LINGO2: variants seen among roughly 807,000 people sequenced by gnomAD.
LINGO2 encodes the protein leucine-rich repeat and immunoglobulin-like domain-containing nogo receptor-interacting protein 2.
LINGO2 carries 14 observed loss-of-function variants against 30.6 expected under a neutral mutation model. The ratio of observed to expected loss-of-function variants is 0.46; its 90% CI spans 0.30 to 0.72. The LOEUF (loss-of-function observed/expected upper bound fraction) is 0.72. Ranked by LOEUF, LINGO2 falls within the 30% of genes least tolerant of loss-of-function variation. The probability of loss-of-function intolerance (pLI) is 0.07; values close to 1 mark genes in which losing one functional copy is unlikely to be tolerated. For synonymous variants in LINGO2, 317 were observed against 288.5 expected, an observed-to-expected ratio of 1.10 and a Z score of -1.00; for missense variants, 729 against 751.7, an observed-to-expected ratio of 0.97 and a Z score of 0.35.
intron 4 of LINGO2, among the ~76,000 whole-genome samples, chr9:28,099,225 T>C (rs1422641955): frequency 6.6e-6 from 1 of 152,184 alleles, no homozygotes. Context: ...TTGTGTGTCC[T>C]GGGACTGACT....
At chr9:28,445,495 C>G (rs1463203877) in intron 2 of LINGO2, among the ~76,000 whole-genome samples, 3 of 152,154 alleles carry the variant, frequency 2.0e-5, no homozygotes, top group Non-Finnish European at 1.5e-5. Context: ...GCTATGTACA[C>G]AGTAGCAGGC....
chr9:28,319,745 A>G (rs993495365), intron 3 of LINGO2, among the ~76,000 whole-genome samples: 1 of 152,114 alleles, frequency 6.6e-6, no homozygotes, highest in Non-Finnish European at 1.5e-5. Flanking sequence ...GCTTGAGGCA[A>G]TTTTTTGGGT....
the LINGO2 span, among the ~76,000 whole-genome samples, chr9:29,090,442 TC>T: frequency 6.6e-6 from 1 of 152,038 alleles, no homozygotes; most frequent in Non-Finnish European, 1.5e-5. Flanking sequence ...TCCATGTCTG[TC>T]CCTGTCATCT....
chr9:29,100,802 G>A, the LINGO2 span, among the ~76,000 whole-genome samples: 6 of 152,052 alleles, frequency 3.9e-5, no homozygotes, highest in African/African-American at 9.7e-5. Flanking sequence ...TATGTATTGC[G>A]TGCCTGTATC....
the LINGO2 span, among the ~76,000 whole-genome samples, chr9:29,026,909 A>C: frequency 1.3e-5 from 2 of 152,026 alleles, no homozygotes; most frequent in African/African-American, 4.8e-5. Flanking sequence ...TGATATGACC[A>C]AAATAAATTC....
chr9:28,464,232 T>C (rs1360194164), intron 2 of LINGO2, among the ~76,000 whole-genome samples: 2 of 152,158 alleles, frequency 1.3e-5, no homozygotes, highest in Non-Finnish European at 2.9e-5. Context: ...TGGCATAAAT[T>C]CTATTCCTGT....
chr9:28,478,380 CA>C (rs1219321347), intron 1 of LINGO2, among the ~76,000 whole-genome samples: 1 of 151,788 alleles, frequency 6.6e-6, no homozygotes. Flanking sequence ...AAGCTTAAAA[CA>C]AATATGAGTT....
chr9:28,983,424 AACTAATACAAAGTG>A, the LINGO2 span, among the ~76,000 whole-genome samples: 1 of 151,928 alleles, frequency 6.6e-6, no homozygotes, highest in Non-Finnish European at 1.5e-5. Flanking sequence ...AATGAACTAA[AACTAATACAAAGTG>A]AGTAGCAAAT....
intron 5 of LINGO2, among the ~76,000 whole-genome samples, chr9:28,011,194 C>G (rs963860347): frequency 1.3e-5 from 2 of 152,228 alleles, no homozygotes; most frequent in Non-Finnish European, 2.9e-5. Flanking sequence ...ATTTTTAAAT[C>G]AGCAGTAAGG....
intron 1 of LINGO2, among the ~76,000 whole-genome samples, chr9:28,494,984 T>C (rs1341465125): frequency 2.0e-5 from 3 of 152,246 alleles, no homozygotes; most frequent in Admixed American, 2.0e-4. Context: ...ATGAGCATTT[T>C]TTCATGTGTC....
At chr9:28,767,593 G>A in the LINGO2 span, among the ~76,000 whole-genome samples, 1 of 151,802 alleles carries the variant, frequency 6.6e-6, no homozygotes, top group Non-Finnish European at 1.5e-5. Context: ...AGACCATCCT[G>A]GCTAACACAG....
At chr9:27,993,992 C>T (rs929486049) in intron 5 of LINGO2, among the ~76,000 whole-genome samples, 15 of 150,930 alleles carry the variant, frequency 9.9e-5, no homozygotes, top group Non-Finnish European at 1.6e-4. Flanking sequence ...CTAAAAATAA[C>T]GAGGAACTTT....
At chr9:27,968,662 C>T (rs1000081189) in intron 5 of LINGO2, among the ~76,000 whole-genome samples, 36 of 151,606 alleles carry the variant, frequency 2.4e-4, no homozygotes, top group African/African-American at 8.0e-4. Context: ...ACAATAAAAA[C>T]AAAAATACAA....
chr9:28,964,339 T>C, the LINGO2 span, among the ~76,000 whole-genome samples: 4 of 151,874 alleles, frequency 2.6e-5, no homozygotes, highest in African/African-American at 9.7e-5. Flanking sequence ...AAGCTTCCTA[T>C]AGGGATGTGT....
At chr9:28,580,000 CT>C (rs1178110811) in intron 1 of LINGO2, among the ~76,000 whole-genome samples, 1 of 152,040 alleles carries the variant, frequency 6.6e-6, no homozygotes, top group East Asian at 1.9e-4. Flanking sequence ...GCACTTTGGG[CT>C]TTTCGAGCTC....
At chr9:29,117,804 G>C in the LINGO2 span, among the ~76,000 whole-genome samples, 1 of 152,172 alleles carries the variant, frequency 6.6e-6, no homozygotes, top group African/African-American at 2.4e-5. Context: ...AGTGATTCTT[G>C]CAGTCCCAAT....
intron 5 of LINGO2, among the ~76,000 whole-genome samples, chr9:27,955,996 A>G (rs541429779): frequency 9.9e-5 from 14 of 141,858 alleles, no homozygotes; most frequent in African/African-American, 2.1e-4. Flanking sequence ...CTGGAGTGCA[A>G]TGGCATGATC....
intron 1 of LINGO2, among the ~76,000 whole-genome samples, chr9:28,517,471 TA>T (rs1820666305): frequency 1.3e-5 from 2 of 152,166 alleles, no homozygotes; most frequent in Non-Finnish European, 2.9e-5. Context: ...AGTGCTAAAT[TA>T]AAAGAATTGG....
chr9:28,417,977 G>A (rs1823033463), intron 2 of LINGO2, among the ~76,000 whole-genome samples: 1 of 152,108 alleles, frequency 6.6e-6, no homozygotes, highest in Non-Finnish European at 1.5e-5. Context: ...TGGTAAGAAA[G>A]GGGACTGAAC....
Sources: gnomAD v4.1 joint callset for allele counts (sites outside exome capture counted in the v4.1 genomes callset) on GRCh38, gnomAD v4.1.1 for gene constraint, MANE v1.5 for transcripts, NCBI Gene and HGNC (gene_info 2026-07-23, HGNC 2026-07-21) for gene names.